UTS2: variants seen among roughly 807,000 people sequenced by gnomAD.
The protein encoded by UTS2 is urotensin-2.
Under a neutral mutation model 12.6 loss-of-function variants are expected in UTS2, and 10 were observed. The observed-to-expected ratio is 0.80, with a 90% confidence interval of 0.49 to 1.35. The LOEUF (loss-of-function observed/expected upper bound fraction) is 1.35. Ranked by LOEUF, UTS2 falls within the 40% of genes most tolerant of loss-of-function variation. The pLI is 0.00. For synonymous variants in UTS2, 52 were observed against 50.0 expected, an observed-to-expected ratio of 1.04 and a Z score of -0.17; for missense variants, 142 against 143.2, an observed-to-expected ratio of 0.99 and a Z score of 0.04.
the UTS2 span, among the ~76,000 whole-genome samples, chr1:7,883,689 T>A: frequency 3.3e-5 from 5 of 152,266 alleles, no homozygotes; most frequent in Non-Finnish European, 2.9e-5. Flanking sequence ...TTTTTAAAAA[T>A]TTTTTAAGGA....
upstream of UTS2, among the ~76,000 whole-genome samples, chr1:7,853,756 A>G (rs991432721): frequency 2.8e-4 from 42 of 152,226 alleles, no homozygotes; most frequent in African/African-American, 9.6e-4. Context: ...TCTACTCCCA[A>G]CTGTACTCTG....
the UTS2 span, among the ~76,000 whole-genome samples, chr1:7,911,269 A>G: frequency 6.6e-6 from 1 of 152,170 alleles, no homozygotes; most frequent in Non-Finnish European, 1.5e-5. Flanking sequence ...AATTATAAGC[A>G]TTTCTTGCAT....
chr1:7,896,033 GAAGTA>G, the UTS2 span, among the ~76,000 whole-genome samples: 2 of 152,164 alleles, frequency 1.3e-5, no homozygotes, highest in South Asian at 4.1e-4. Context: ...CAAGATAACA[GAAGTA>G]AAGGGAGCAA....
chr1:7,891,571 A>AGAAAGAAAGAAAGAAAGAAAGAAAGAAG, the UTS2 span, among the ~76,000 whole-genome samples: 2 of 151,548 alleles, frequency 1.3e-5, no homozygotes, highest in Non-Finnish European at 2.9e-5. Context: ...AAAGAAAGAA[A>AGAAAGAAAGAAAGAAAGAAAGAAAGAAG]GAAAGAAAGA....
upstream of UTS2, chr1:7,853,281 T>A (rs764500360): frequency 1.9e-6 from 3 of 1,613,870 alleles, 1 homozygote; most frequent in South Asian, 3.3e-5. Context: ...AGTGAGTTTA[T>A]AAATCTGGCA....
At chr1:7,864,429 G>A in the UTS2 span, among the ~76,000 whole-genome samples, 1 of 152,284 alleles carries the variant, frequency 6.6e-6, no homozygotes, top group South Asian at 2.1e-4. Flanking sequence ...TGTCCTCTGA[G>A]GTTCCTTTGT....
the UTS2 span, among the ~76,000 whole-genome samples, chr1:7,891,931 T>C: frequency 6.6e-6 from 1 of 152,154 alleles, no homozygotes; most frequent in Non-Finnish European, 1.5e-5. Context: ...CATGAGGTCC[T>C]GGGGGATGGC....
At chr1:7,879,015 A>C in the UTS2 span, among the ~76,000 whole-genome samples, 2 of 152,214 alleles carry the variant, frequency 1.3e-5, no homozygotes, top group Non-Finnish European at 2.9e-5. Flanking sequence ...ACATAAAGCA[A>C]ATATTATTAG....
At chr1:7,900,811 C>T in the UTS2 span, among the ~76,000 whole-genome samples, 2 of 151,984 alleles carry the variant, frequency 1.3e-5, no homozygotes, top group Non-Finnish European at 2.9e-5. Flanking sequence ...ATGTTTTTGC[C>T]TCTTTTTCTT....
the UTS2 span, among the ~76,000 whole-genome samples, chr1:7,872,299 C>CCAAAAAAAAAA: frequency 1.5e-5 from 1 of 65,886 alleles, no homozygotes; most frequent in Non-Finnish European, 2.7e-5. Context: ...GACTCTGTCT[C>CCAAAAAAAAAA]AAAAAAAAAA....
At chr1:7,860,122 G>A in the UTS2 span, among the ~76,000 whole-genome samples, 2 of 152,198 alleles carry the variant, frequency 1.3e-5, no homozygotes, top group African/African-American at 4.8e-5. Context: ...ACTGTGTAGG[G>A]TACTAGGGAT....
the UTS2 span, among the ~76,000 whole-genome samples, chr1:7,913,145 A>G: frequency 1.3e-5 from 2 of 151,694 alleles, no homozygotes; most frequent in Non-Finnish European, 2.9e-5. Context: ...ACTCCCTCCC[A>G]CCAAGAGACG....
the UTS2 span, among the ~76,000 whole-genome samples, chr1:7,871,253 G>A: frequency 3.9e-5 from 6 of 152,212 alleles, no homozygotes; most frequent in Non-Finnish European, 7.3e-5. Context: ...GATCGTCCCT[G>A]TTCAGTGGGA....
upstream of UTS2, chr1:7,853,520 G>T: frequency 1.3e-6 from 2 of 1,508,506 alleles, no homozygotes; most frequent in Non-Finnish European, 1.8e-6. Flanking sequence ...GGATTAAAAC[G>T]TAAAACCAGC....
the UTS2 span, among the ~76,000 whole-genome samples, chr1:7,869,714 G>T: frequency 3.3e-5 from 5 of 152,358 alleles, no homozygotes; most frequent in East Asian, 7.7e-4. Flanking sequence ...TCACGCACCC[G>T]AGTGATGGCC....
the UTS2 span, among the ~76,000 whole-genome samples, chr1:7,901,630 G>GTGTGTGTA: frequency 4.3e-4 from 65 of 150,826 alleles, no homozygotes; most frequent in African/African-American, 1.5e-3. Context: ...GTGTGTGTGT[G>GTGTGTGTA]TATATATATA....
chr1:7,872,317 AAAGG>A, the UTS2 span, among the ~76,000 whole-genome samples: 114 of 123,640 alleles, frequency 9.2e-4, no homozygotes, highest in Admixed American at 2.6e-3. Flanking sequence ...AAAAAAAAAA[AAAGG>A]AAAAGAAAAA....
chr1:7,896,179 G>C, the UTS2 span, among the ~76,000 whole-genome samples: 18 of 151,476 alleles, frequency 1.2e-4, no homozygotes, highest in Non-Finnish European at 1.8e-4. Context: ...CAAAAACTGT[G>C]TTTTCATTTT....
chr1:7,853,474 G>A (rs758262604), upstream of UTS2: 2 of 1,585,864 alleles, frequency 1.3e-6, no homozygotes, highest in East Asian at 2.2e-5. Context: ...GCCATGCTGT[G>A]TTTAGGGCTG....
Sources: gnomAD v4.1 joint callset for allele counts (sites outside exome capture counted in the v4.1 genomes callset) on GRCh38, gnomAD v4.1.1 for gene constraint, MANE v1.5 for transcripts, NCBI Gene and HGNC (gene_info 2026-07-23, HGNC 2026-07-21) for gene names.